The following FILIP1L variants were observed in gnomAD, a reference collection of about 807,000 sequenced individuals.
FILIP1L encodes the protein filamin A-interacting protein 1-like.
Under a neutral mutation model 96.6 loss-of-function variants are expected in FILIP1L, and 55 were observed. The ratio of observed to expected loss-of-function variants is 0.57; its 90% confidence interval spans 0.46 to 0.71. The LOEUF (loss-of-function observed/expected upper bound fraction) is 0.71. Ranked by LOEUF, FILIP1L falls within the 30% of genes least tolerant of loss-of-function variation. The pLI, the probability that FILIP1L is intolerant of heterozygous loss-of-function variation, is 0.00. For synonymous variants in FILIP1L, 467 were observed against 473.9 expected, an observed-to-expected ratio of 0.99 and a Z score of 0.19; for missense variants, 1,304 against 1,321.2, an observed-to-expected ratio of 0.99 and a Z score of 0.20.
chr3:99,997,922 G>A (rs1709729818), intron 1 of FILIP1L, among the ~76,000 whole-genome samples: 1 of 152,134 alleles, frequency 6.6e-6, no homozygotes, highest in Non-Finnish European at 1.5e-5. Flanking sequence ...TACAAATGTA[G>A]GCTTAGGATT....
At chr3:99,957,693 CTTTTTTTTTTTTTT>C (rs779350496) in intron 1 of FILIP1L, among the ~76,000 whole-genome samples, 1,408 of 19,980 alleles carry the variant, frequency 0.07, 61 homozygotes, top group African/African-American at 0.22. Context: ...TTCTTTCTTT[CTTTTTTTTTTTTTT>C]TTTTTTTTTT....
chr3:99,938,595 C>G lies in FILIP1L; in HGVS notation c.-10-7565G>C, dbSNP rs558008815. ...CATTTCCCCCTATCTTTACACAGAA[C>G]CTTTAAGCTAAGATTTAGTTCCCTG... On this transcript the variant is annotated intron_variant, in intron 1 of 5. Coordinates refer to ENST00000477258, the MANE Select transcript of FILIP1L (RefSeq NM_001387850.1). Among the ~76,000 whole-genome samples, 17 of 152,226 alleles carry G rather than the reference C, an allele frequency of 1.1e-4. No homozygotes were observed. The South Asian group carries it at 3.3e-3, about 30-fold the overall frequency.
chr3:100,016,184 C>T lies in FILIP1L; in HGVS notation c.-10-85154G>A, dbSNP rs551340025. Among the ~76,000 whole-genome samples the T allele has an allele frequency of 3.3e-5, 5 of 152,000 alleles. No individual in the cohort carries two copies. The South Asian group carries it at 1.0e-3, about 32-fold the overall frequency. ...GTGCTGAGCATTGGGGCTATTGGGT[C>T]AGCTTTTGTTTGTTTGTTTGTTTTT... On this transcript the variant is annotated intron_variant, in intron 1 of 5. Coordinates refer to ENST00000477258, the MANE Select transcript of FILIP1L (RefSeq NM_001387850.1).
chr3:100,057,223 G>A (rs182481863), intron 1 of FILIP1L, among the ~76,000 whole-genome samples: 323 of 152,206 alleles, frequency 2.1e-3, no homozygotes, highest in Non-Finnish European at 3.6e-3. Context: ...CTAAAGACCC[G>A]TCCCGTTCTA....
intron 1 of FILIP1L, among the ~76,000 whole-genome samples, chr3:99,961,502 T>C (rs147373359): frequency 2.8e-4 from 42 of 152,266 alleles, no homozygotes; most frequent in African/African-American, 9.9e-4. Context: ...CATTATGTAG[T>C]TCATTTTGCC....
intron 1 of FILIP1L, among the ~76,000 whole-genome samples, chr3:100,102,082 C>G (rs550460781): frequency 6.6e-6 from 1 of 152,098 alleles, no homozygotes; most frequent in Non-Finnish European, 1.5e-5. Flanking sequence ...AATAAACATA[C>G]GTGTGCATGT....
chr3:99,849,430 T>A lies in FILIP1L; in HGVS notation c.2246A>T (p.Lys749Ile). 6.2e-7 allele frequency: 1 copy of A among 1,614,202 alleles called. No individual in the cohort carries two copies. Among genetic ancestry groups the A allele is most frequent in the South Asian group, 1.1e-5 (1 of 91,080 alleles). ...LQGDHSVLQK[K>I]LNQQENRNRD... is the part of the protein sequence containing the mutation. Reference sequence around the variant, plus strand: ...GTTCCTGTTTTCTTGTTGATTTAGTTTTTTTTGCAGGACTGAGTGATCTCC... The same window carrying A: ...GTTCCTGTTTTCTTGTTGATTTAGTATTTTTTGCAGGACTGAGTGATCTCC... The change falls in exon 5 of 6, where the codon AAA (lysine) becomes ATA (isoleucine). Residue 749 changes from lysine to isoleucine, a missense_variant. By Grantham distance (102) the Lys-to-Ile change is moderately radical. Coordinates refer to ENST00000477258, the MANE Select transcript of FILIP1L (RefSeq NM_001387850.1).
At chr3:99,953,579 G>T (rs909676222) in intron 1 of FILIP1L, among the ~76,000 whole-genome samples, 4 of 152,154 alleles carry the variant, frequency 2.6e-5, no homozygotes, top group African/African-American at 9.7e-5. Flanking sequence ...CATTTTTAAA[G>T]AATTCAATAA....
At chr3:99,908,925 G>A (rs1235129943) in intron 4 of FILIP1L, among the ~76,000 whole-genome samples, 1 of 151,888 alleles carries the variant, frequency 6.6e-6, no homozygotes, top group Admixed American at 6.6e-5. Flanking sequence ...TAGCTTCAGG[G>A]ATTTAGTTAA....
At chr3:99,919,579 A>T (rs935597867) in intron 4 of FILIP1L, among the ~76,000 whole-genome samples, 1 of 151,798 alleles carries the variant, frequency 6.6e-6, no homozygotes, top group Non-Finnish European at 1.5e-5. Flanking sequence ...TATTTCAAGG[A>T]GGTTTCCAAA....
intron 4 of FILIP1L, among the ~76,000 whole-genome samples, chr3:99,886,233 TTCCTGGTG>T: frequency 9.3e-6 from 1 of 107,946 alleles, no homozygotes; most frequent in African/African-American, 3.7e-5. Context: ...CTATGCTGAG[TTCCTGGTG>T]AGAGGGGAAT....
At chr3:99,994,538 T>C (rs916498585) in intron 1 of FILIP1L, among the ~76,000 whole-genome samples, 1 of 152,104 alleles carries the variant, frequency 6.6e-6, no homozygotes, top group Non-Finnish European at 1.5e-5. Context: ...AAATATCTTC[T>C]CAGAACACAA....
At chr3:99,936,740 G>T (rs1015969074) in intron 1 of FILIP1L, among the ~76,000 whole-genome samples, 3 of 151,010 alleles carry the variant, frequency 2.0e-5, no homozygotes, top group Non-Finnish European at 2.9e-5. Context: ...TCAGAGTCAG[G>T]CCCTAATTTA....
chr3:99,901,094 A>G (rs1706420285), intron 4 of FILIP1L, among the ~76,000 whole-genome samples: 1 of 152,244 alleles, frequency 6.6e-6, no homozygotes, highest in South Asian at 2.1e-4. Context: ...ATTAAACTGT[A>G]TACAACATTC....
chr3:100,083,457 T>A (rs1021618563), intron 1 of FILIP1L, among the ~76,000 whole-genome samples: 1 of 152,224 alleles, frequency 6.6e-6, no homozygotes, highest in African/African-American at 2.4e-5. Context: ...GTGATCTGTA[T>A]TTTAGCAAGC....
chr3:99,898,345 A>G (rs1706326663), intron 4 of FILIP1L: 2 of 152,240 alleles, frequency 1.3e-5, no homozygotes, highest in Non-Finnish European at 1.5e-5. Flanking sequence ...GTCTTGATTC[A>G]TAAGCCCAAC....
intron 1 of FILIP1L, among the ~76,000 whole-genome samples, chr3:100,097,766 A>T (rs1039937795): frequency 1.2e-4 from 19 of 152,202 alleles, no homozygotes; most frequent in African/African-American, 3.9e-4. Flanking sequence ...TATCACAAAG[A>T]CTACTTGGTT....
intron 1 of FILIP1L, among the ~76,000 whole-genome samples, chr3:100,107,959 C>T (rs569438282): frequency 4.0e-5 from 6 of 150,972 alleles, no homozygotes; most frequent in South Asian, 2.1e-4. Flanking sequence ...TTTCTAACAT[C>T]GGTCAAGAAA....
intron 4 of FILIP1L, among the ~76,000 whole-genome samples, chr3:99,870,659 A>G (rs1944741600): frequency 6.6e-6 from 1 of 152,188 alleles, no homozygotes; most frequent in Non-Finnish European, 1.5e-5. Flanking sequence ...AATGTTTGCT[A>G]CTGCTGAGGA....
Sources: allele counts gnomAD v4.1 joint callset (sites outside exome capture counted in the v4.1 genomes callset), GRCh38; gene constraint gnomAD v4.1.1; transcripts MANE v1.5; gene names NCBI Gene and HGNC (gene_info 2026-07-23, HGNC 2026-07-21).